The following KIF26B variants were observed in gnomAD, a reference collection of about 807,000 sequenced individuals.
The protein encoded by KIF26B is kinesin family member 26B.
A neutral mutation model predicts 151.2 loss-of-function variants in KIF26B; 63 were observed. The observed-to-expected ratio is 0.42, with a 90% CI of 0.34 to 0.51. The LOEUF is 0.51. Ranked by LOEUF, KIF26B falls within the 20% of genes least tolerant of loss-of-function variation. KIF26B has a pLI of 0.07. For synonymous variants in KIF26B, 1,357 were observed against 1,262.1 expected (o/e 1.08, Z -1.59); for missense variants, 2,813 against 2,913.6 (o/e 0.97, Z 0.79).
chr1:245,553,333 A>G (rs1285608775), intron 5 of KIF26B, among the ~76,000 whole-genome samples: 1 of 152,096 alleles, frequency 6.6e-6, no homozygotes, highest in Non-Finnish European at 1.5e-5. Context: ...TAGGCACCTT[A>G]TGTGGTCATT....
chr1:245,514,511 GAGTA>G (rs1424770394), intron 4 of KIF26B, among the ~76,000 whole-genome samples: 2 of 152,084 alleles, frequency 1.3e-5, no homozygotes, highest in African/African-American at 2.4e-5. Flanking sequence ...CTGGGCGACA[GAGTA>G]AGTGAGACTC....
At chr1:245,302,931 G>T (rs1671453223) in intron 2 of KIF26B, among the ~76,000 whole-genome samples, 1 of 131,478 alleles carries the variant, frequency 7.6e-6, no homozygotes, top group African/African-American at 2.9e-5. Context: ...GGAGGTTGCA[G>T]TGAGCCAAGA....
At chr1:245,472,244 C>T (rs560804176) in intron 4 of KIF26B, among the ~76,000 whole-genome samples, 60 of 152,314 alleles carry the variant, frequency 3.9e-4, no homozygotes, top group Middle Eastern at 6.8e-3. Flanking sequence ...AAACACACAG[C>T]GCCTTGCCCG....
intron 4 of KIF26B, among the ~76,000 whole-genome samples, chr1:245,464,390 TGTGTGG>T (rs1404654070): frequency 6.7e-6 from 1 of 149,842 alleles, no homozygotes; most frequent in Non-Finnish European, 1.5e-5. Flanking sequence ...TAGGTGTGTG[TGTGTGG>T]GTGTGTGCGT....
At chr1:245,551,539 G>A (rs529883311) in intron 5 of KIF26B, among the ~76,000 whole-genome samples, 85 of 152,210 alleles carry the variant, frequency 5.6e-4, no homozygotes, top group Admixed American at 5.2e-4. Flanking sequence ...ACCTTGTTCC[G>A]CATTCTATAA....
At chr1:245,515,324 C>T (rs1366744708) in intron 4 of KIF26B, among the ~76,000 whole-genome samples, 2 of 152,180 alleles carry the variant, frequency 1.3e-5, no homozygotes, top group Non-Finnish European at 2.9e-5. Context: ...ACCTACATCT[C>T]TCCACGCTTA....
chr1:245,619,603 CAAAAAAAAAA>C (rs34022501), intron 9 of KIF26B, among the ~76,000 whole-genome samples: 50 of 110,762 alleles, frequency 4.5e-4, no homozygotes, highest in South Asian at 1.5e-3. Context: ...GAAACTGTTT[CAAAAAAAAAA>C]AAAAAAAAAG....
intron 5 of KIF26B, among the ~76,000 whole-genome samples, chr1:245,543,399 T>TA (rs893852345): frequency 2.0e-5 from 3 of 152,218 alleles, no homozygotes; most frequent in Non-Finnish European, 4.4e-5. Flanking sequence ...CACACTTTTT[T>TA]AAAAAAATTA....
chr1:245,351,429 A>G (rs61829609), intron 2 of KIF26B, among the ~76,000 whole-genome samples: 1 of 144,338 alleles, frequency 6.9e-6, no homozygotes, highest in East Asian at 1.9e-4. Context: ...TTAAACAAAG[A>G]GAAAACTCAG....
intron 2 of KIF26B, among the ~76,000 whole-genome samples, chr1:245,277,740 G>A (rs1410466921): frequency 6.6e-6 from 1 of 152,146 alleles, no homozygotes; most frequent in Non-Finnish European, 1.5e-5. Context: ...TTCTGCCAAT[G>A]CTCTTCTTGG....
chr1:245,392,684 G>A (rs1231694913), intron 3 of KIF26B, among the ~76,000 whole-genome samples: 2 of 152,150 alleles, frequency 1.3e-5, no homozygotes, highest in Non-Finnish European at 2.9e-5. Context: ...GTTGAGAAAT[G>A]TCACAGGGAT....
intron 2 of KIF26B, among the ~76,000 whole-genome samples, chr1:245,242,007 C>G (rs1670218053): frequency 6.6e-6 from 1 of 152,162 alleles, no homozygotes; most frequent in Admixed American, 6.5e-5. Flanking sequence ...TTTCCTCTGC[C>G]TGGAATGTCT....
intron 2 of KIF26B, among the ~76,000 whole-genome samples, chr1:245,354,368 A>G (rs537679535): frequency 1.3e-5 from 2 of 152,226 alleles, no homozygotes; most frequent in Admixed American, 1.3e-4. Flanking sequence ...AACCCAGGCC[A>G]AGAGGCAGAG....
At chr1:245,448,381 T>A (rs1014486423) in intron 4 of KIF26B, among the ~76,000 whole-genome samples, 22 of 152,088 alleles carry the variant, frequency 1.4e-4, no homozygotes, top group Non-Finnish European at 2.5e-4. Flanking sequence ...CTGATTTTTT[T>A]ATTTTTTTGG....
At chr1:245,472,975 G>A (rs1261448068) in intron 4 of KIF26B, among the ~76,000 whole-genome samples, 2 of 152,238 alleles carry the variant, frequency 1.3e-5, no homozygotes. Context: ...AAATCACCAA[G>A]CCTGGTCATT....
chr1:245,626,554 G>A (rs1163992905), intron 9 of KIF26B, among the ~76,000 whole-genome samples: 2 of 152,252 alleles, frequency 1.3e-5, no homozygotes, highest in Admixed American at 6.5e-5. Flanking sequence ...TTTGAGAAAT[G>A]TCTATTCAGA....
intron 2 of KIF26B, among the ~76,000 whole-genome samples, chr1:245,301,057 C>T (rs1671421476): frequency 6.6e-6 from 1 of 152,044 alleles, no homozygotes. Context: ...TCTCGAACTC[C>T]TGATCTCAGG....
rs1672584753 is a variant in KIF26B at position 245,352,315 on chromosome 1, G to A, written c.466-14519G>A. ...GTCTCATTCCTTCACTCAGACTGGAGGGCAATGGTGCGATCTCAGCTCACT... is the reference window on the plus strand; with the variant it reads ...GTCTCATTCCTTCACTCAGACTGGAAGGCAATGGTGCGATCTCAGCTCACT... On this transcript the variant is annotated intron_variant, in intron 2 of 14. Transcript: ENST00000407071. This position sits in a 1 kb window ranked among gnomAD's most constrained non-coding sequence, Gnocchi z 5.0. Among the ~76,000 whole-genome samples the A allele has an allele frequency of 6.6e-6, 1 of 152,160 alleles. No homozygotes were observed. The highest frequency in any genetic ancestry group is 1.5e-5 in the Non-Finnish European group (1 of 68,038).
intron 5 of KIF26B, among the ~76,000 whole-genome samples, chr1:245,562,683 T>C (rs2042968751): frequency 6.7e-6 from 1 of 150,054 alleles, no homozygotes; most frequent in African/African-American, 2.4e-5. Flanking sequence ...GTTACCTTCC[T>C]TTGTATAGAA....
Sources: allele counts gnomAD v4.1 joint callset (sites outside exome capture counted in the v4.1 genomes callset), GRCh38; gene constraint gnomAD v4.1.1; non-coding constraint Gnocchi (gnomAD v3.1); transcripts MANE v1.5; gene names NCBI Gene and HGNC (gene_info 2026-07-23, HGNC 2026-07-21).